RDH10: variants seen among roughly 807,000 people sequenced by gnomAD.
RDH10 encodes the protein retinol dehydrogenase 10.
RDH10 carries 12 observed loss-of-function variants against 30.2 expected under a neutral mutation model. That is an observed-to-expected ratio of 0.40 (90% CI 0.25 to 0.64). RDH10 has a LOEUF of 0.64. Ranked by LOEUF, RDH10 falls within the 30% of genes least tolerant of loss-of-function variation. The probability of loss-of-function intolerance (pLI) is 0.43; values close to 1 mark genes in which losing one functional copy is unlikely to be tolerated. For missense variants in RDH10, 268 were observed against 445.2 expected (o/e 0.60, Z 3.58); for synonymous variants, 189 against 172.2 (o/e 1.10, Z -0.76).
intron 2 of RDH10, among the ~76,000 whole-genome samples, chr8:73,314,364 A>G (rs529231860): frequency 5.9e-5 from 9 of 152,288 alleles, no homozygotes; most frequent in Non-Finnish European, 8.8e-5. Context: ...TCACCCAACT[A>G]TAGCATTTTT....
chr8:73,299,969 C>G (rs758445102), intron 2 of RDH10, among the ~76,000 whole-genome samples: 17 of 152,272 alleles, frequency 1.1e-4, no homozygotes, highest in Admixed American at 2.0e-4. Flanking sequence ...AAAAATTATT[C>G]TGGACCTGAA....
intron 2 of RDH10, among the ~76,000 whole-genome samples, chr8:73,307,501 T>G (rs1264724450): frequency 6.6e-6 from 1 of 152,244 alleles, no homozygotes; most frequent in Non-Finnish European, 1.5e-5. Flanking sequence ...ATATAGCACT[T>G]AAATTTACAA....
chr8:73,316,378 C>A (rs1039417772), intron 2 of RDH10, among the ~76,000 whole-genome samples: 3 of 152,158 alleles, frequency 2.0e-5, no homozygotes, highest in African/African-American at 7.2e-5. Flanking sequence ...TATTTCAATT[C>A]TGTGATATAA....
intron 2 of RDH10, chr8:73,312,642 G>A (rs2130371478): frequency 6.6e-6 from 1 of 152,342 alleles, no homozygotes; most frequent in East Asian, 1.9e-4. Context: ...TGTGAAGGGT[G>A]CCGTAAGCAT....
Position 73,297,224 on chromosome 8 carries a change from A to C in RDH10, c.320A>C (p.His107Pro). 6.2e-7 allele frequency: 1 copy of C among 1,613,396 alleles called. No homozygotes were observed. The highest frequency in any genetic ancestry group is 1.3e-5 in the African/African-American group (1 of 75,014). The change falls in exon 2 of 6, where the codon CAC (histidine) becomes CCC (proline). Residue 107 changes from histidine (H) to proline (P), a missense_variant. Physicochemically the swap from His to Pro is moderately conservative, Grantham distance 77. Coordinates refer to ENST00000240285, the MANE Select transcript of RDH10 (RefSeq NM_172037.5). ...AATGGTGAGGAAGAAATTCTGCCCC[A>C]CTGTAACTTGCAGGTTTTTACCTAC... Reference protein sequence around the residue: ...AGNGEEEILPHCNLQVFTYTC... With the variant: ...AGNGEEEILPPCNLQVFTYTC...
intron 2 of RDH10, among the ~76,000 whole-genome samples, chr8:73,304,225 CCTT>C (rs1018646240): frequency 6.6e-6 from 1 of 152,200 alleles, no homozygotes; most frequent in African/African-American, 2.4e-5. Flanking sequence ...CCTCTTTGCT[CCTT>C]CTTGCATTCC....
intron 2 of RDH10, among the ~76,000 whole-genome samples, chr8:73,299,298 G>A (rs562075709): frequency 3.3e-5 from 5 of 152,276 alleles, no homozygotes; most frequent in African/African-American, 4.8e-5. Context: ...TGCTGTGGCT[G>A]GGTCCCCAGG....
rs757661937 is a variant in RDH10 at position 73,322,818 on chromosome 8, G to A, written c.902+8G>A. 2 of 1,613,962 alleles carry A rather than the reference G, an allele frequency of 1.2e-6. No individual in the cohort carries two copies. Among genetic ancestry groups the A allele is most frequent in the Non-Finnish European group, 1.7e-6 (2 of 1,179,992 alleles). ...CGTGACCTTCATGAAGAGGTAACTG[G>A]GAGGGGTTCCCTCACTGACTGGGTC... On this transcript the variant is annotated splice_region_variant and intron_variant, in intron 5 of 5. Transcript: ENST00000240285.
chr8:73,295,226 A>G lies in RDH10; in HGVS notation c.-64A>G. ...CAAGCGCCCCGGAGCCGGGAGCCCG[A>G]TTGCCGGGCTCGGGGTGGGCGCGGA... On this transcript the variant is annotated 5_prime_UTR_variant, in exon 1 of 6. Coordinates refer to ENST00000240285, the MANE Select transcript of RDH10 (RefSeq NM_172037.5). The G allele has an allele frequency of 1.6e-6, 2 of 1,273,968 alleles. No individual in the cohort carries two copies. Among genetic ancestry groups the G allele is most frequent in the Non-Finnish European group, 2.1e-6 (2 of 960,118 alleles). The allele number at this position is 1,273,968 out of a possible 1,614,324, so 78.9% of individuals were successfully genotyped here.
In RDH10 at chr8:73,319,000, C is replaced by A. The variant is rs1221873867; in HGVS notation, c.526-96C>A. 15 of 727,596 alleles carry A rather than the reference C, an allele frequency of 2.1e-5. No individual in the cohort carries two copies. In the East Asian group the frequency reaches 3.8e-4, roughly 19 times the overall value. The allele number at this position is 727,596 out of a possible 1,614,324, so 45.1% of individuals were successfully genotyped here. On this transcript the variant is annotated intron_variant, in intron 2 of 5. Coordinates refer to ENST00000240285, the MANE Select transcript of RDH10 (RefSeq NM_172037.5). Reference sequence around the variant, plus strand: ...TTTTTAAAGGAATTGGGAAACAAAACATCATGTGAATAAAAGTTTGTTTTG... The same window carrying A: ...TTTTTAAAGGAATTGGGAAACAAAAAATCATGTGAATAAAAGTTTGTTTTG...
chr8:73,325,148 C>T lies in RDH10; in HGVS notation c.*2112C>T, dbSNP rs569311112. 3.0e-4 allele frequency: 46 copies of T among 152,316 alleles called. No homozygotes were observed. The highest frequency in any genetic ancestry group is 1.1e-3 in the African/African-American group (44 of 41,574). 9.4% of individuals were successfully genotyped at this position (152,316 alleles called of 1,614,324 possible). ...ATAATTTAACAACCCACTTATCCAC[C>T]TTAAAACTGAGGAAAGTCGTCTTTA... On this transcript the variant is annotated 3_prime_UTR_variant, in exon 6 of 6. Coordinates refer to ENST00000240285, the MANE Select transcript of RDH10 (RefSeq NM_172037.5).
At chr8:73,299,286 CTTGCTG>C (rs1448811195) in intron 2 of RDH10, among the ~76,000 whole-genome samples, 1 of 152,164 alleles carries the variant, frequency 6.6e-6, no homozygotes, top group Non-Finnish European at 1.5e-5. Flanking sequence ...AATTAAAGTC[CTTGCTG>C]TGGCTGGGTC....
chr8:73,316,006 T>C (rs978690559), intron 2 of RDH10, among the ~76,000 whole-genome samples: 6 of 152,176 alleles, frequency 3.9e-5, no homozygotes, highest in Non-Finnish European at 8.8e-5. Context: ...ATAGGCTTGA[T>C]TACTTAGGGA....
intron 4 of RDH10, chr8:73,321,874 CAA>C (rs780180366): frequency 4.4e-6 from 2 of 456,246 alleles, no homozygotes; most frequent in South Asian, 3.1e-5. Context: ...TGAATCACTC[CAA>C]AGTCAGGCTT....
chr8:73,308,577 C>T (rs757320028), intron 2 of RDH10, among the ~76,000 whole-genome samples: 10 of 152,128 alleles, frequency 6.6e-5, no homozygotes, highest in Non-Finnish European at 1.3e-4. Context: ...TCTGTGGATG[C>T]AGAGGGAAGG....
intron 2 of RDH10, among the ~76,000 whole-genome samples, chr8:73,306,770 T>G (rs1814472313): frequency 6.6e-6 from 1 of 152,250 alleles, no homozygotes; most frequent in Non-Finnish European, 1.5e-5. Context: ...TACATGCTGC[T>G]TGCATAAAAT....
At chr8:73,305,077 G>C (rs769554753) in intron 2 of RDH10, among the ~76,000 whole-genome samples, 3 of 152,200 alleles carry the variant, frequency 2.0e-5, no homozygotes, top group Non-Finnish European at 4.4e-5. Flanking sequence ...TGTGTAGCCT[G>C]TGCTAATGCT....
chr8:73,299,635 C>G (rs1814341898), intron 2 of RDH10, among the ~76,000 whole-genome samples: 1 of 152,186 alleles, frequency 6.6e-6, no homozygotes, highest in Non-Finnish European at 1.5e-5. Flanking sequence ...TGATGCAAGA[C>G]TACATAACTA....
chr8:73,300,701 C>T (rs1217774872), intron 2 of RDH10, among the ~76,000 whole-genome samples: 3 of 152,194 alleles, frequency 2.0e-5, no homozygotes, highest in Admixed American at 6.5e-5. Flanking sequence ...GTGGGCACTC[C>T]CAAACCAGTC....
Sources: allele counts gnomAD v4.1 joint callset (sites outside exome capture counted in the v4.1 genomes callset), GRCh38; gene constraint gnomAD v4.1.1; transcripts MANE v1.5; gene names NCBI Gene and HGNC (gene_info 2026-07-23, HGNC 2026-07-21).